Variants in ANO8 observed in about 807,000 individuals in gnomAD.
ANO8 encodes anoctamin-8.
Under a neutral mutation model 120.4 loss-of-function variants are expected in ANO8, and 67 were observed. The observed-to-expected ratio is 0.56, with a 90% CI of 0.46 to 0.68. The LOEUF (loss-of-function observed/expected upper bound fraction) is 0.68. Among genes scored for constraint, ANO8 ranks in the 30% least tolerant of loss-of-function variants. The probability of loss-of-function intolerance (pLI) is 0.00; values close to 1 mark genes in which losing one functional copy is unlikely to be tolerated. For missense variants in ANO8, 1,526 were observed against 1,737.6 expected (o/e 0.88, Z 2.16); for synonymous variants, 727 against 759.2 (o/e 0.96, Z 0.70).
chr19:17,329,073 G>C (rs545553396), intron 12 of ANO8, 90 bp from the exon 13 acceptor site: 1 of 1,080,542 alleles, frequency 9.3e-7, no homozygotes, highest in South Asian at 1.8e-5. Flanking sequence ...CGCCCCGCCG[G>C]AGCACCGTGC....
chr19:17,324,069 G>C (rs912888177), intron 17 of ANO8, among the ~76,000 whole-genome samples, 185 bp from the exon 18 acceptor site: 9 of 152,272 alleles, frequency 5.9e-5, no homozygotes, highest in African/African-American at 9.6e-5. Context: ...TCTGGGCACG[G>C]CCCTGCCGGT....
chr19:17,327,829 G>A lies in ANO8; in HGVS notation c.2278C>T (p.Leu760Phe). ...GCCAGGGGGAAGGCGGACGAGAAGA[G>A]CACAACGTAGCCGAACTGCACGAAC... ...EMFVQFGYVVLFSSAFPLAAL... is the reference protein window; with the variant it reads ...EMFVQFGYVVFFSSAFPLAAL... The change falls in exon 14 of 18, where the codon CTC (leucine) becomes TTC (phenylalanine). Residue 760 changes from leucine (L) to phenylalanine (F), a missense_variant. Around this residue, in one of 8 missense-constraint regions of ANO8, gnomAD observed 77 missense variants for 131.5 expected, o/e 0.59. Coordinates refer to ENST00000159087, the MANE Select transcript of ANO8 (RefSeq NM_020959.3). The A allele has an allele frequency of 1.9e-6, 3 of 1,614,216 alleles. No homozygotes were observed. The East Asian group carries it at 6.7e-5, about 36-fold the overall frequency.
rs555490308 is a variant in ANO8, at chr19:17,331,284, C to T, written c.703+11G>A. On this transcript the variant is annotated intron_variant, in intron 6 of 17. Transcript: ENST00000159087. Reference sequence around the variant, plus strand: ...CTGGGACTCCCTCCCACCCCCCAGCCCAGGCAGCACCTAGAGGCTGGTTTT... The same window carrying T: ...CTGGGACTCCCTCCCACCCCCCAGCTCAGGCAGCACCTAGAGGCTGGTTTT... 1 of 1,614,154 alleles carries T rather than the reference C, an allele frequency of 6.2e-7. No individual in the cohort carries two copies. Among genetic ancestry groups the T allele is most frequent in the African/African-American group, 1.3e-5 (1 of 75,038 alleles).
chr19:17,327,787 C>A lies in ANO8; in HGVS notation c.2320G>T (p.Val774Phe), dbSNP rs1000705150. The A allele has an allele frequency of 6.2e-7, 1 of 1,614,092 alleles. No individual in the cohort carries two copies. Among genetic ancestry groups the A allele is most frequent in the Non-Finnish European group, 8.5e-7 (1 of 1,180,026 alleles). Reference sequence around the variant, plus strand: ...CTGCGGATCTCAATGAGGTTGTTGACCAGGGCGCACAGCGCCGCCAGGGGG... The same window carrying A: ...CTGCGGATCTCAATGAGGTTGTTGAACAGGGCGCACAGCGCCGCCAGGGGG... ...AFPLAALCAL[V>F]NNLIEIRSDA... The change falls in exon 14 of 18, where the codon GTC becomes TTC. Residue 774 changes from valine (V) to phenylalanine (F), a missense_variant. Val to Phe is a conservative substitution (Grantham distance 50). Around this residue, in one of 8 missense-constraint regions of ANO8, gnomAD observed 77 missense variants for 131.5 expected, o/e 0.59. Coordinates refer to ENST00000159087, the MANE Select transcript of ANO8 (RefSeq NM_020959.3).
In ANO8 at chr19:17,328,768, G is replaced by A. The variant is rs1442003900; in HGVS notation, c.1620C>T (p.Gly540=). The change falls in exon 13 of 18, where the codon GGC becomes GGT. Residue 540 remains glycine (G), a synonymous_variant. Transcript: ENST00000159087. The part of the protein sequence containing the change: ...ADEGGGGGSG[G]GGRRCLSGGC... ...CCCCGCTGAGGCACCTGCGGCCCCC[G>A]CCCCCGCTGCCGCCGCCCCCGCCCT... is the stretch of plus-strand genomic sequence containing the variant. The A allele has an allele frequency of 6.8e-6, 9 of 1,316,582 alleles. No homozygotes were observed. Among genetic ancestry groups the A allele is most frequent in the African/African-American group, 1.6e-5 (1 of 64,160 alleles). 81.6% of individuals were successfully genotyped at this position (1,316,582 alleles called of 1,614,324 possible). A position where few individuals can be genotyped will look rare whatever the true frequency, so the allele number is the denominator to read the frequency against.
At chr19:17,331,830 G>A (rs578088798) in intron 5 of ANO8, among the ~76,000 whole-genome samples, 3 of 150,626 alleles carry the variant, frequency 2.0e-5, no homozygotes, top group Admixed American at 6.6e-5. Context: ...ACGGGGTTTC[G>A]CCATGTTGGC....
Position 17,328,505 on chromosome 19 carries a change from C to T in ANO8, c.1883G>A (p.Arg628Gln). ...SFAERGAGRR[R>Q]PGPSPEALLE... Reference sequence around the variant, plus strand: ...GAGGGCCTCCGGGCTTGGGCCGGGCCGACGCCGCCCCGCGCCGCGCTCAGC... The same window carrying T: ...GAGGGCCTCCGGGCTTGGGCCGGGCTGACGCCGCCCCGCGCCGCGCTCAGC... The change falls in exon 13 of 18, where the codon CGG becomes CAG. Residue 628 changes from arginine to glutamine, a missense_variant. Transcript: ENST00000159087. 1 of 1,554,848 alleles carries T rather than the reference C, an allele frequency of 6.4e-7. No homozygotes were observed. Among genetic ancestry groups the T allele is most frequent in the South Asian group, 1.2e-5 (1 of 84,716 alleles).
At chr19:17,326,033 C>T (rs1230825436) in intron 16 of ANO8, among the ~76,000 whole-genome samples, 2 of 152,222 alleles carry the variant, frequency 1.3e-5, no homozygotes, top group Non-Finnish European at 1.5e-5. Flanking sequence ...TTGGGTGCAA[C>T]TGAATGAATC....
Position 17,328,795 on chromosome 19 carries a change from A to G in ANO8, c.1593T>C (p.Asp531=). The G allele has an allele frequency of 8.8e-6, 12 of 1,369,138 alleles. No homozygotes were observed. The highest frequency in any genetic ancestry group is 1.0e-5 in the Non-Finnish European group (11 of 1,068,104). The allele number at this position is 1,369,138 out of a possible 1,614,324, so 84.8% of individuals were successfully genotyped here. The change falls in exon 13 of 18, where the codon GAT becomes GAC. Residue 531 remains aspartate, a synonymous_variant. Coordinates refer to ENST00000159087, the MANE Select transcript of ANO8 (RefSeq NM_020959.3). ...PAPRRLEPQA[D]EGGGGGSGGG... ...CCCCGCTGCCGCCGCCCCCGCCCTC[A>G]TCCGCCTGGGGTTCGAGGCGGCGGG...
rs377556604 is a variant in ANO8 at position 17,330,988 on chromosome 19, G to C, written c.833C>G (p.Thr278Arg). Residue 278 changes from threonine (T) to arginine (R), a missense_variant and splice_region_variant, in exon 8 of 18, where the codon ACA (threonine) becomes AGA (arginine). Physicochemically the swap from Thr to Arg is moderately conservative, Grantham distance 71 (BLOSUM62 -1). This residue lies in a region of ANO8 where 322 missense variants were observed against 431.8 expected (regional missense o/e 0.75). Transcript: ENST00000159087. ...GACCACGCAGGAAACATCCCGGCTT[G>C]TCTGTGAGTGGCAGAGAAGAGTTGA... is the stretch of plus-strand genomic sequence containing the variant. ...VLYTFTEADQ[T>R]SRDVSCVVFA... is the part of the protein sequence containing the mutation. The C allele has an allele frequency of 6.2e-6, 10 of 1,614,096 alleles. No homozygotes were observed. The highest frequency in any genetic ancestry group is 1.6e-4 in the Middle Eastern group (1 of 6,084).
Position 17,325,344 on chromosome 19 carries a change from G to T in ANO8, c.2704C>A (p.Arg902Ser), listed in dbSNP as rs772973024. The T allele has an allele frequency of 6.3e-7, 1 of 1,597,888 alleles. No individual in the cohort carries two copies. Among genetic ancestry groups the T allele is most frequent in the Non-Finnish European group, 8.5e-7 (1 of 1,176,954 alleles). Reference sequence around the variant, plus strand: ...CGCTCCTCCTCCTCCCGCCGCCTGCGCTGCTGCTGCTGGTAGCGATGCTGG... The same window carrying T: ...CGCTCCTCCTCCTCCCGCCGCCTGCTCTGCTGCTGCTGGTAGCGATGCTGG... ...QAQHRYQQQQ[R>S]RRREEEERQR... The change falls in exon 17 of 18, where the codon CGC becomes AGC. Residue 902 changes from arginine (R) to serine (S), a missense_variant. Physicochemically the swap from Arg to Ser is moderately radical, Grantham distance 110 (BLOSUM62 -1). Coordinates refer to ENST00000159087, the MANE Select transcript of ANO8 (RefSeq NM_020959.3).
chr19:17,327,570 C>A lies in ANO8; in HGVS notation c.2419-1G>T. ...GGACACCCATGGCCTCCATCACCTT[C>A]TGCAGGGCGGCAGGAGGGCTCAGGC... is the stretch of plus-strand genomic sequence containing the variant. On this transcript the variant is annotated splice_acceptor_variant, in intron 14 of 17. Coordinates refer to ENST00000159087, the MANE Select transcript of ANO8 (RefSeq NM_020959.3). LOFTEE classifies it high-confidence loss of function. The A allele has an allele frequency of 6.2e-7, 1 of 1,613,406 alleles. No individual in the cohort carries two copies. Among genetic ancestry groups the A allele is most frequent in the Non-Finnish European group, 8.5e-7 (1 of 1,179,832 alleles).
In ANO8 at chr19:17,332,965, A is replaced by T. The variant is rs2145691815; in HGVS notation, c.551T>A (p.Leu184His). ...QNLRAKQGEA[L>H]HNVRFLEDQP... ...GTCCTCCAGGAAGCGCACGTTGTGG[A>T]GTGCTTCTCCCTGCTTGGCACGCAA... Residue 184 changes from leucine (L) to histidine (H), a missense_variant, in exon 5 of 18, where the codon CTC becomes CAC. Around this residue, in one of 8 missense-constraint regions of ANO8, gnomAD observed 322 missense variants for 431.8 expected, o/e 0.75. Transcript: ENST00000159087. 1 of 1,614,180 alleles carries T rather than the reference A, an allele frequency of 6.2e-7. No homozygotes were observed. The highest frequency in any genetic ancestry group is 2.2e-5 in the East Asian group (1 of 44,886).
At chr19:17,328,121 G>GGCGAGGCCCCGCCTCCT in intron 13 of ANO8, 41 bp downstream of exon 13, 1 of 1,436,414 alleles carries the variant, frequency 7.0e-7, no homozygotes, top group Non-Finnish European at 9.3e-7. Context: ...TCCCGTCCCC[G>GGCGAGGCCCCGCCTCCT]GCGAGGCCCC....
chr19:17,323,345 T>TGTGTGTGTGTG lies in ANO8; in HGVS notation c.*171_*172insCACACACACAC. The TGTGTGTGTGTG allele has an allele frequency of 3.5e-6, 1 of 287,670 alleles. No individual in the cohort carries two copies. Among genetic ancestry groups the TGTGTGTGTGTG allele is most frequent in the Non-Finnish European group, 6.2e-6 (1 of 162,058 alleles). 17.8% of individuals were successfully genotyped at this position (287,670 alleles called of 1,614,324 possible). ...TGTGTGTGTGTGTGTGTGTGTGTGT[T>TGTGTGTGTGTG]TTCTGTTGGATTTGTGGGTTTCCTT... On this transcript the variant is annotated 3_prime_UTR_variant, in exon 18 of 18. Transcript: ENST00000159087.
At chr19:17,331,030 G>A (rs776724071) in intron 7 of ANO8, 41 bp from the exon 8 acceptor site, 10 of 1,613,602 alleles carry the variant, frequency 6.2e-6, no homozygotes, top group African/African-American at 1.3e-5. Flanking sequence ...GTTTGTGCCA[G>A]TCCAGAAAGG....
rs1334400659 is a variant in ANO8, at chr19:17,333,397, G to T, written c.350+25C>A. The T allele has an allele frequency of 6.2e-7, 1 of 1,613,480 alleles. No individual in the cohort carries two copies. The highest frequency in any genetic ancestry group is 2.2e-5 in the East Asian group (1 of 44,876). On this transcript the variant is annotated intron_variant, in intron 3 of 17. Coordinates refer to ENST00000159087, the MANE Select transcript of ANO8 (RefSeq NM_020959.3). The surrounding 1 kb of genome is among the most constrained non-coding windows in gnomAD (Gnocchi z 7.2). ...CGGGGAGTCGGGTGGCAGGCTCAGC[G>T]AGAGGCCAGGGACAGGGGACTCGCC... is the stretch of plus-strand genomic sequence containing the variant.
Position 17,327,564 on chromosome 19 carries a change from C to T in ANO8, c.2424G>A (p.Val808=). 1.2e-6 allele frequency: 2 copies of T among 1,613,484 alleles called. No homozygotes were observed. Among genetic ancestry groups the T allele is most frequent in the Non-Finnish European group, 1.7e-6 (2 of 1,179,862 alleles). ...TCGCTAGGACACCCATGGCCTCCATCACCTTCTGCAGGGCGGCAGGAGGGC... is the reference window on the plus strand; with the variant it reads ...TCGCTAGGACACCCATGGCCTCCATTACCTTCTGCAGGGCGGCAGGAGGGC... ...RVESIGQWQK[V]MEAMGVLAIV... is the part of the protein sequence containing the mutation. Residue 808 remains valine, a synonymous_variant, in exon 15 of 18, where the codon GTG becomes GTA. Coordinates refer to ENST00000159087, the MANE Select transcript of ANO8 (RefSeq NM_020959.3).
chr19:17,329,894 TGTGCCCCATACAGACGGCACAGCTTCCCC>T, intron 11 of ANO8, 36 bp downstream of exon 11: 1 of 1,613,754 alleles, frequency 6.2e-7, no homozygotes, highest in South Asian at 1.1e-5. Flanking sequence ...GAGCCTTCCT[TGTGCCCCATACAGACGGCACAGCTTCCCC>T]GTTGTCCCCC....
Sources: allele counts gnomAD v4.1 joint callset (sites outside exome capture counted in the v4.1 genomes callset), GRCh38; gene constraint gnomAD v4.1.1; regional missense constraint gnomAD v4.1.1; non-coding constraint Gnocchi (gnomAD v3.1); transcripts MANE v1.5; gene names NCBI Gene and HGNC (gene_info 2026-07-23, HGNC 2026-07-21).